The following SMAD3 variants were observed in gnomAD, a reference collection of about 807,000 sequenced individuals.
The protein encoded by SMAD3 is SMAD family member 3, also known as MAD homolog 3.
Under a neutral mutation model 51.8 loss-of-function variants are expected in SMAD3, and 12 were observed. The ratio of observed to expected loss-of-function variants is 0.23; its 90% CI spans 0.15 to 0.38. The LOEUF (loss-of-function observed/expected upper bound fraction) is 0.38. Ranked by LOEUF, SMAD3 falls within the 10% of genes least tolerant of loss-of-function variation. The probability of loss-of-function intolerance (pLI) is 1.00; values close to 1 mark genes in which losing one functional copy is unlikely to be tolerated. For synonymous variants in SMAD3, 238 were observed against 227.7 expected, an observed-to-expected ratio of 1.05 and a Z score of -0.41; for missense variants, 294 against 565.6, an observed-to-expected ratio of 0.52 and a Z score of 4.87.
intron 5 of SMAD3, among the ~76,000 whole-genome samples, chr15:67,173,861 G>A (rs894060428): frequency 3.3e-5 from 5 of 152,150 alleles, no homozygotes; most frequent in African/African-American, 1.2e-4. Flanking sequence ...GCCTGAATGA[G>A]CAGGGTTTGT....
intron 1 of SMAD3, chr15:67,145,916 C>T (rs1961964045): frequency 6.6e-6 from 1 of 152,202 alleles, no homozygotes; most frequent in Non-Finnish European, 1.5e-5. Context: ...GTTTAGAGTT[C>T]AGAGTTCAGC....
chr15:67,189,092 C>G (rs981769473), intron 8 of SMAD3, among the ~76,000 whole-genome samples: 7 of 152,174 alleles, frequency 4.6e-5, no homozygotes, highest in African/African-American at 1.7e-4. Flanking sequence ...AATCTTTTAG[C>G]CCTGGCTTAG....
rs1194899986 is a variant in SMAD3 at position 67,171,176 on chromosome 15, G to T, written c.658+572G>T. 2.0e-5 allele frequency among the ~76,000 whole-genome samples: 3 copies of T among 152,200 alleles called. No individual in the cohort carries two copies. The East Asian group carries it at 5.8e-4, about 29-fold the overall frequency. ...ATATATCTCTGTGCCTTGCCACTGAGATCATAGTGCATATCTGGTGTTTTC... is the reference window on the plus strand; with the variant it reads ...ATATATCTCTGTGCCTTGCCACTGATATCATAGTGCATATCTGGTGTTTTC... On this transcript the variant is annotated intron_variant, in intron 5 of 8. Coordinates refer to ENST00000327367, the MANE Select transcript of SMAD3 (RefSeq NM_005902.4).
chr15:67,138,307 T>TGGTTCTG, intron 1 of SMAD3: 1 of 526,176 alleles, frequency 1.9e-6, no homozygotes, highest in Non-Finnish European at 3.4e-6. Context: ...GCCCTCTGCC[T>TGGTTCTG]GGTTCTGGGC....
chr15:67,160,307 A>G (rs1962391503), intron 1 of SMAD3, among the ~76,000 whole-genome samples: 1 of 152,252 alleles, frequency 6.6e-6, no homozygotes, highest in South Asian at 2.1e-4. Context: ...AATACATGGC[A>G]TGATCAGGCT....
At chr15:67,167,897 C>T (rs1162925704) in intron 4 of SMAD3, among the ~76,000 whole-genome samples, 1 of 152,172 alleles carries the variant, frequency 6.6e-6, no homozygotes, top group Non-Finnish European at 1.5e-5. Context: ...CACACAGAGC[C>T]GCTAGACACA....
rs139617855 is a variant in SMAD3 at position 67,163,698 on chromosome 15, C to G, written c.207-1197C>G. On this transcript the variant is annotated intron_variant, in intron 1 of 8. Coordinates refer to ENST00000327367, the MANE Select transcript of SMAD3 (RefSeq NM_005902.4). ...TGCTGGTCAGGGACCACACTTTGGCCTGGCTTGAGAGGTAAGGGCACCGGG... is the reference window on the plus strand; with the variant it reads ...TGCTGGTCAGGGACCACACTTTGGCGTGGCTTGAGAGGTAAGGGCACCGGG... Among the ~76,000 whole-genome samples the G allele has an allele frequency of 2.0e-5, 3 of 152,276 alleles. No homozygotes were observed. In the East Asian group the frequency reaches 5.8e-4, roughly 29 times the overall value.
chr15:67,095,654 C>A (rs1232423326), intron 1 of SMAD3, among the ~76,000 whole-genome samples: 1 of 152,052 alleles, frequency 6.6e-6, no homozygotes, highest in African/African-American at 2.4e-5. Context: ...GCTTCAGCCT[C>A]CCGAGTAGCT....
At chr15:67,173,938 G>T (rs1243152923) in intron 5 of SMAD3, among the ~76,000 whole-genome samples, 1 of 152,244 alleles carries the variant, frequency 6.6e-6, no homozygotes, top group Non-Finnish European at 1.5e-5. Flanking sequence ...AGTGGAATGG[G>T]TTGGGGGTGA....
At chr15:67,132,105 C>T (rs1410207659) in intron 1 of SMAD3, among the ~76,000 whole-genome samples, 1 of 152,130 alleles carries the variant, frequency 6.6e-6, no homozygotes, top group Admixed American at 6.5e-5. Context: ...AGACATGGAA[C>T]TTCATGATAG....
intron 5 of SMAD3, among the ~76,000 whole-genome samples, chr15:67,175,093 C>T (rs543625116): frequency 3.9e-5 from 6 of 152,154 alleles, no homozygotes; most frequent in Non-Finnish European, 5.9e-5. Flanking sequence ...GCATTTAAGG[C>T]GGAAGGATTG....
At chr15:67,097,806 C>G (rs1467353676) in intron 1 of SMAD3, among the ~76,000 whole-genome samples, 3 of 152,230 alleles carry the variant, frequency 2.0e-5, no homozygotes, top group Middle Eastern at 6.8e-3. Context: ...AAGTAGTATC[C>G]TCTAGGAATC....
At chr15:67,094,523 G>A (rs7169183) in intron 1 of SMAD3, among the ~76,000 whole-genome samples, 2 of 152,004 alleles carry the variant, frequency 1.3e-5, no homozygotes, top group Non-Finnish European at 2.9e-5. Context: ...AACATGGAAC[G>A]CAGGGCCTGC....
chr15:67,091,455 A>G (rs1234061947), intron 1 of SMAD3, among the ~76,000 whole-genome samples: 1 of 152,196 alleles, frequency 6.6e-6, no homozygotes, highest in African/African-American at 2.4e-5. Context: ...TCACCCCCAG[A>G]TAACCACCCG....
At chr15:67,107,035 T>C (rs1960893998) in intron 1 of SMAD3, among the ~76,000 whole-genome samples, 1 of 152,094 alleles carries the variant, frequency 6.6e-6, no homozygotes, top group African/African-American at 2.4e-5. Context: ...ACGACTTGGC[T>C]TCTGTCGGCT....
intron 1 of SMAD3, among the ~76,000 whole-genome samples, chr15:67,157,642 G>T (rs1962319134): frequency 2.0e-5 from 3 of 152,218 alleles, no homozygotes; most frequent in African/African-American, 7.2e-5. Flanking sequence ...CCCACAGATG[G>T]CTGTGAGTGG....
At chr15:67,083,439 C>T (rs549976757) in intron 1 of SMAD3, among the ~76,000 whole-genome samples, 4 of 152,314 alleles carry the variant, frequency 2.6e-5, no homozygotes, top group African/African-American at 7.2e-5. Context: ...GATGAAATAA[C>T]AGTACTCACA....
intron 5 of SMAD3, among the ~76,000 whole-genome samples, chr15:67,173,879 C>T (rs528891382): frequency 6.6e-6 from 1 of 152,112 alleles, no homozygotes; most frequent in African/African-American, 2.4e-5. Context: ...TGTTGACCAG[C>T]GTTAAGTGGG....
At chr15:67,111,651 T>G (rs373744223) in intron 1 of SMAD3, among the ~76,000 whole-genome samples, 1 of 152,232 alleles carries the variant, frequency 6.6e-6, no homozygotes, top group Non-Finnish European at 1.5e-5. Context: ...CCCATCCTTG[T>G]CAACACTTGT....
Sources: gnomAD v4.1 joint callset for allele counts (sites outside exome capture counted in the v4.1 genomes callset) on GRCh38, gnomAD v4.1.1 for gene constraint, MANE v1.5 for transcripts, NCBI Gene and HGNC (gene_info 2026-07-23, HGNC 2026-07-21) for gene names.